Variants in PNPLA7 observed in about 807,000 individuals in gnomAD.
The protein encoded by PNPLA7 is patatin like domain 7, lysophospholipase.
PNPLA7 carries 153 observed loss-of-function variants against 161.7 expected under a neutral mutation model. The observed-to-expected ratio is 0.95, with a 90% CI of 0.83 to 1.08. PNPLA7 has a LOEUF of 1.08. Ranked by LOEUF, PNPLA7 falls within the 50% of genes least tolerant of loss-of-function variation. The probability of loss-of-function intolerance (pLI) is 0.00; values close to 1 mark genes in which losing one functional copy is unlikely to be tolerated. For missense variants in PNPLA7, 1,739 were observed against 1,856.6 expected (o/e 0.94, Z 1.16); for synonymous variants, 809 against 782.1 (o/e 1.03, Z -0.57).
rs1832491467 is a variant in PNPLA7 at position 137,486,510 on chromosome 9, AC to A, written c.2198-1775del. Among the ~76,000 whole-genome samples, 1 of 152,176 alleles carries A rather than the reference AC, an allele frequency of 6.6e-6. No individual in the cohort carries two copies. Among genetic ancestry groups the A allele is most frequent in the South Asian group, 2.1e-4 (1 of 4,832 alleles). On this transcript the variant is annotated intron_variant, in intron 20 of 34. Transcript: ENST00000406427. This position sits in a 1 kb window ranked among gnomAD's most constrained non-coding sequence, Gnocchi z 6.0. ...GGCCTCCCAAAAGAAAAACACCCGT[AC>A]CTGTATGCAGGCAGAAACAGATAAA...
At chr9:137,534,787 A>G (rs2132576180) in intron 8 of PNPLA7, among the ~76,000 whole-genome samples, 1 of 152,326 alleles carries the variant, frequency 6.6e-6, no homozygotes, top group Non-Finnish European at 1.5e-5. Context: ...CATTTCCAGT[A>G]ATCTAGATTA....
rs966219101 is a variant in PNPLA7 at position 137,523,989 on chromosome 9, G to A, written c.748-1132C>T. Among the ~76,000 whole-genome samples the A allele has an allele frequency of 1.3e-5, 2 of 152,170 alleles. No individual in the cohort carries two copies. Among genetic ancestry groups the A allele is most frequent in the Non-Finnish European group, 2.9e-5 (2 of 68,028 alleles). The stretch of plus-strand genomic sequence containing the variant: ...AAAAGCCTTCTGTTTACATCACGCC[G>A]TCACCTGCATGCAGAGGCAGATTCA... On this transcript the variant is annotated intron_variant, in intron 8 of 34. Transcript: ENST00000406427. This position sits in a 1 kb window ranked among gnomAD's most constrained non-coding sequence, Gnocchi z 4.4.
chr9:137,537,505 A>AC lies in PNPLA7; in HGVS notation c.747+3136_747+3137insG, dbSNP rs1835956075. Among the ~76,000 whole-genome samples the AC allele has an allele frequency of 6.6e-6, 1 of 152,102 alleles. No homozygotes were observed. The highest frequency in any genetic ancestry group is 1.5e-5 in the Non-Finnish European group (1 of 68,014). On this transcript the variant is annotated intron_variant, in intron 8 of 34. Coordinates refer to ENST00000406427, the MANE Select transcript of PNPLA7 (RefSeq NM_001098537.3). The surrounding 1 kb of genome is among the most constrained non-coding windows in gnomAD (Gnocchi z 4.5). ...GCTAATTTTTGTATTTTTAGTAGGG[A>AC]TGGGTTTCACCATGTTGGCCAGGAT...
At chr9:137,549,307 C>T (rs182983729) in intron 1 of PNPLA7, among the ~76,000 whole-genome samples, 10 of 152,238 alleles carry the variant, frequency 6.6e-5, no homozygotes, top group Non-Finnish European at 8.8e-5. Flanking sequence ...GTGGCTCATG[C>T]CTGTAATCCC....
intron 21 of PNPLA7, among the ~76,000 whole-genome samples, chr9:137,481,558 G>A (rs868168238): frequency 4.6e-5 from 7 of 152,348 alleles, no homozygotes; most frequent in Admixed American, 3.9e-4. Context: ...GAGGCTCAGG[G>A]GAGAAGCTAA....
chr9:137,501,006 C>T, intron 15 of PNPLA7, 110 bp from the exon 16 acceptor site: 1 of 909,622 alleles, frequency 1.1e-6, no homozygotes, highest in Non-Finnish European at 1.6e-6. Context: ...AGACCATCCG[C>T]CGACCTGATC....
intron 9 of PNPLA7, among the ~76,000 whole-genome samples, chr9:137,522,302 C>A (rs1295014410): frequency 1.3e-5 from 2 of 150,338 alleles, no homozygotes; most frequent in Admixed American, 6.6e-5. Context: ...TCTCGATCTC[C>A]TGACCTCGTG....
intron 34 of PNPLA7, 76 bp from the exon 35 acceptor site, chr9:137,460,552 C>A: frequency 6.3e-7 from 1 of 1,598,796 alleles, no homozygotes; most frequent in East Asian, 2.2e-5. Context: ...CCGGTGGGAC[C>A]ACAGGGAGGG....
At chr9:137,503,554 GGGAGAAGGAGGAGGAA>G (rs1330237760) in intron 14 of PNPLA7, among the ~76,000 whole-genome samples, 1 of 121,684 alleles carries the variant, frequency 8.2e-6, no homozygotes, top group Admixed American at 8.6e-5. Flanking sequence ...AGAAGGAGGA[GGGAGAAGGAGGAGGAA>G]GGAGAAGGAG....
rs544948629 is a variant in PNPLA7, at chr9:137,523,261, G to A, written c.748-404C>T. 2.5e-3 allele frequency among the ~76,000 whole-genome samples: 373 copies of A among 150,984 alleles called. 1 individual carries two copies. The highest frequency in any genetic ancestry group is 8.4e-3 in the African/African-American group (345 of 41,078). On this transcript the variant is annotated intron_variant, in intron 8 of 34. Transcript: ENST00000406427. This position sits in a 1 kb window ranked among gnomAD's most constrained non-coding sequence, Gnocchi z 4.4. ...GGGCGTGCCAGACACCAACCTGAGC[G>A]GGCTTCCTAAAAAGGCCACCGAGAG...
rs980607543 is a variant in PNPLA7, at chr9:137,462,417, A to T, written c.3493-86T>A. 28 of 1,512,040 alleles carry T rather than the reference A, an allele frequency of 1.9e-5. 1 individual carries two copies. The Admixed American group carries it at 5.7e-4, about 31-fold the overall frequency. 93.7% of individuals were successfully genotyped at this position (1,512,040 alleles called of 1,614,324 possible). A position where few individuals can be genotyped will look rare whatever the true frequency, so the allele number is the denominator to read the frequency against. ...CCGTGGCGCAGGACAGGTTCTGGGG[A>T]CCCATCCTCTGGGGTAGGTAGGTTC... On this transcript the variant is annotated intron_variant, in intron 30 of 34. Transcript: ENST00000406427.
At chr9:137,517,237 C>T (rs1453565851) in intron 11 of PNPLA7, among the ~76,000 whole-genome samples, 1 of 112,752 alleles carries the variant, frequency 8.9e-6, no homozygotes, top group Non-Finnish European at 1.9e-5. Context: ...CCACTCCATC[C>T]CTCACTCACT....
At chr9:137,491,460 C>T in intron 20 of PNPLA7, 1 of 984,984 alleles carries the variant, frequency 1.0e-6, no homozygotes, top group Non-Finnish European at 1.2e-6. Flanking sequence ...AAGAAACTCA[C>T]TTCAAAACTC....
At chr9:137,507,120 G>A (rs1833966368) in intron 12 of PNPLA7, among the ~76,000 whole-genome samples, 1 of 152,254 alleles carries the variant, frequency 6.6e-6, no homozygotes, top group Non-Finnish European at 1.5e-5. Context: ...TTACGCTGAG[G>A]GTGCGCTGGT....
chr9:137,488,387 A>T (rs973162642), intron 20 of PNPLA7, among the ~76,000 whole-genome samples: 1 of 152,202 alleles, frequency 6.6e-6, no homozygotes, highest in Admixed American at 6.5e-5. Context: ...TGCTAGTTCC[A>T]TATGGCCTTA....
chr9:137,517,031 C>G (rs1834618478), intron 11 of PNPLA7, among the ~76,000 whole-genome samples: 1 of 146,810 alleles, frequency 6.8e-6, no homozygotes, highest in Non-Finnish European at 1.5e-5. Flanking sequence ...TCTGTCCACT[C>G]CATCCCCTGT....
At chr9:137,503,479 G>A (rs1304305050) in intron 14 of PNPLA7, among the ~76,000 whole-genome samples, 2 of 114,168 alleles carry the variant, frequency 1.8e-5, no homozygotes, top group African/African-American at 7.1e-5. Context: ...GAAGGAGGAG[G>A]GGGAAGGAGA....
intron 6 of PNPLA7, 79 bp from the exon 7 acceptor site, chr9:137,542,880 G>C: frequency 6.7e-7 from 1 of 1,482,714 alleles, no homozygotes; most frequent in Non-Finnish European, 9.2e-7. Flanking sequence ...AGAGCACACG[G>C]TCACTGACCC....
rs1835027792 is a variant in PNPLA7, at chr9:137,522,127, T to TGCAGTG, written c.877-417_877-412dup. ...TCTCGCTATGCCGCCCAGGCTGGAG[T>TGCAGTG]GCAGTGGCACCATCTCGGCTCACTG... On this transcript the variant is annotated intron_variant, in intron 9 of 34. Transcript: ENST00000406427. 6.6e-5 allele frequency among the ~76,000 whole-genome samples: 10 copies of TGCAGTG among 152,302 alleles called. No individual in the cohort carries two copies. In the South Asian group the frequency reaches 2.1e-3, roughly 32 times the overall value.
Sources: gnomAD v4.1 joint callset for allele counts (sites outside exome capture counted in the v4.1 genomes callset) on GRCh38, gnomAD v4.1.1 for gene constraint, Gnocchi (gnomAD v3.1) non-coding constraint, MANE v1.5 for transcripts, NCBI Gene and HGNC (gene_info 2026-07-23, HGNC 2026-07-21) for gene names.